Variants in HMGXB4 observed in about 807,000 individuals in gnomAD.
HMGXB4 encodes HMG-box containing 4.
Under a neutral mutation model 63.9 loss-of-function variants are expected in HMGXB4, and 27 were observed. The ratio of observed to expected loss-of-function variants is 0.42; its 90% CI spans 0.31 to 0.58. The LOEUF (loss-of-function observed/expected upper bound fraction) is 0.58, where lower values mean the gene tolerates loss of function less well. HMGXB4 is among the 20% of genes least tolerant of loss of function. The pLI is 0.13. For missense variants in HMGXB4, 624 were observed against 700.7 expected (o/e 0.89, Z 1.24); for synonymous variants, 264 against 265.3 (o/e 0.99, Z 0.05).
the HMGXB4 span, among the ~76,000 whole-genome samples, chr22:35,247,026 G>C: frequency 1.3e-5 from 2 of 151,846 alleles, no homozygotes; most frequent in African/African-American, 4.8e-5. Context: ...GTCTTTTCTG[G>C]GTCTGTCTAT....
rs1469619341 is a variant in HMGXB4 at position 35,275,621 on chromosome 22, G to A, written c.1216-8341G>A. 4.6e-5 allele frequency among the ~76,000 whole-genome samples: 7 copies of A among 152,150 alleles called. 1 individual carries two copies. In the East Asian group the frequency reaches 7.7e-4, roughly 17 times the overall value. On this transcript the variant is annotated intron_variant, in intron 5 of 10. Transcript: ENST00000216106. Reference sequence around the variant, plus strand: ...GGGCCAGGAGCAGTGGCACACACCTGTAATCCCAGAGTTTTGGGAGGCCAA... The same window carrying A: ...GGGCCAGGAGCAGTGGCACACACCTATAATCCCAGAGTTTTGGGAGGCCAA...
At position 35,262,315 on chromosome 22, in the gene HMGXB4, T is replaced by C; in HGVS notation, c.-68-8T>C. 1 of 1,475,694 alleles carries C rather than the reference T, an allele frequency of 6.8e-7. No homozygotes were observed. Among genetic ancestry groups the C allele is most frequent in the Non-Finnish European group, 9.5e-7 (1 of 1,055,392 alleles). The allele number at this position is 1,475,694 out of a possible 1,614,324, so 91.4% of individuals were successfully genotyped here. A position where few individuals can be genotyped will look rare whatever the true frequency, so the allele number is the denominator to read the frequency against. ...ATTACAGGAGGGTTTTCCTTCTTTG[T>C]TTCTCAGACCTGGTCCTGTAGACGG... On this transcript the variant is annotated splice_polypyrimidine_tract_variant and splice_region_variant and intron_variant, in intron 1 of 10. Coordinates refer to ENST00000216106, the MANE Select transcript of HMGXB4 (RefSeq NM_001003681.3).
intron 1 of HMGXB4, chr22:35,258,521 A>G (rs891051132): frequency 1.3e-5 from 2 of 152,216 alleles, no homozygotes; most frequent in African/African-American, 2.4e-5. Context: ...TTGCACTGCA[A>G]TGAGAGGATT....
chr22:35,242,373 G>T, the HMGXB4 span, among the ~76,000 whole-genome samples: 1 of 152,056 alleles, frequency 6.6e-6, no homozygotes, highest in South Asian at 2.1e-4. Context: ...TCTATTTGTG[G>T]TATTAAATAG....
At chr22:35,270,772 A>G (rs900666188) in intron 5 of HMGXB4, among the ~76,000 whole-genome samples, 2 of 152,244 alleles carry the variant, frequency 1.3e-5, no homozygotes, top group African/African-American at 2.4e-5. Flanking sequence ...CCTTATTAAG[A>G]GTTAATATCT....
intron 5 of HMGXB4, among the ~76,000 whole-genome samples, chr22:35,270,437 T>G (rs1923537033): frequency 1.3e-5 from 2 of 152,230 alleles, no homozygotes. Context: ...TATGTTACAA[T>G]GTAATACTAA....
At chr22:35,267,262 C>T (rs1350224366) in intron 5 of HMGXB4, among the ~76,000 whole-genome samples, 1 of 151,498 alleles carries the variant, frequency 6.6e-6, no homozygotes, top group East Asian at 1.9e-4. Context: ...AACATAAAGA[C>T]CTGGATATTC....
At chr22:35,277,405 A>G (rs558519371) in intron 5 of HMGXB4, among the ~76,000 whole-genome samples, 16 of 152,290 alleles carry the variant, frequency 1.1e-4, no homozygotes, top group South Asian at 8.3e-4. Context: ...CTGGAGGGCA[A>G]TGGCACCATC....
chr22:35,250,253 G>C, the HMGXB4 span, among the ~76,000 whole-genome samples: 1 of 152,180 alleles, frequency 6.6e-6, no homozygotes, highest in African/African-American at 2.4e-5. Flanking sequence ...TTATAAATAA[G>C]AGGGGTTTAC....
rs2272791 is a variant in HMGXB4, at chr22:35,293,422, G to T, written c.1762-185G>T. On this transcript the variant is annotated intron_variant, in intron 10 of 10. Transcript: ENST00000216106. ...CAGGAATTGTTTCCCTCTTTTTTAC[G>T]AGGATTAATGGGAGAAGTCAGCAGA... is the stretch of plus-strand genomic sequence containing the variant. 0.61 allele frequency among the ~76,000 whole-genome samples: 93,103 copies of T among 152,050 alleles called. 29,443 individuals carry two copies. Among genetic ancestry groups the T allele is most frequent in the Non-Finnish European group, 0.7 (47,419 of 67,974 alleles).
the HMGXB4 span, among the ~76,000 whole-genome samples, chr22:35,243,257 C>T: frequency 4.6e-5 from 7 of 152,108 alleles, no homozygotes; most frequent in African/African-American, 1.7e-4. Context: ...GTAATCCCAA[C>T]TACTTGGGAG....
At chr22:35,252,504 A>C (rs542832209), upstream of HMGXB4, among the ~76,000 whole-genome samples, 25 of 152,216 alleles carry the variant, frequency 1.6e-4, no homozygotes, top group African/African-American at 6.0e-4. Context: ...CACTTCGAAT[A>C]ATCTCCTTCC....
At chr22:35,280,661 T>A (rs530882023) in intron 5 of HMGXB4, among the ~76,000 whole-genome samples, 1 of 152,326 alleles carries the variant, frequency 6.6e-6, no homozygotes, top group African/African-American at 2.4e-5. Context: ...AATACTTGAA[T>A]GGCATCTTCC....
At chr22:35,271,401 T>C (rs1459739759) in intron 5 of HMGXB4, among the ~76,000 whole-genome samples, 1 of 152,086 alleles carries the variant, frequency 6.6e-6, no homozygotes, top group East Asian at 1.9e-4. Context: ...AGGACTCTAA[T>C]AAAAATAGAG....
At chr22:35,263,051 T>A in intron 2 of HMGXB4, 27 bp from the exon 3 acceptor site, 1 of 1,609,070 alleles carries the variant, frequency 6.2e-7, no homozygotes, top group Non-Finnish European at 8.5e-7. Context: ...TCTCATTTCC[T>A]TTCCCAAATA....
upstream of HMGXB4, among the ~76,000 whole-genome samples, chr22:35,254,627 T>C (rs997026223): frequency 6.6e-6 from 1 of 152,244 alleles, no homozygotes; most frequent in African/African-American, 2.4e-5. Context: ...CTTAATTTTG[T>C]GTCCCCCAAC....
At chr22:35,253,132 C>CAAAAAAAAAAAAAAAAAAAAAAAAAAA (rs554912249), upstream of HMGXB4, among the ~76,000 whole-genome samples, 1 of 96,582 alleles carries the variant, frequency 1.0e-5, no homozygotes, top group Non-Finnish European at 1.9e-5. Context: ...AACTCCATCT[C>CAAAAAAAAAAAAAAAAAAAAAAAAAAA]AAAAAAAAAA....
intron 5 of HMGXB4, 72 bp from the exon 6 acceptor site, chr22:35,283,890 C>A (rs953439818): frequency 9.4e-7 from 1 of 1,069,228 alleles, no homozygotes; most frequent in Non-Finnish European, 1.5e-6. Context: ...TATTTTATTA[C>A]TATGGATTCA....
At chr22:35,285,534 G>A (rs1045692920) in intron 6 of HMGXB4, among the ~76,000 whole-genome samples, 2 of 152,124 alleles carry the variant, frequency 1.3e-5, no homozygotes. Context: ...GACAGAGCGA[G>A]ACTCCGTCTC....
Sources: gnomAD v4.1 joint callset for allele counts (sites outside exome capture counted in the v4.1 genomes callset) on GRCh38, gnomAD v4.1.1 for gene constraint, MANE v1.5 for transcripts, NCBI Gene and HGNC (gene_info 2026-07-23, HGNC 2026-07-21) for gene names.